Variants in MAGI2 observed in about 807,000 individuals in gnomAD.
MAGI2 encodes the protein membrane associated guanylate kinase, WW and PDZ domain containing 2, also known as membrane-associated guanylate kinase, WW and PDZ domain-containing protein 2.
Under a neutral mutation model 133.3 loss-of-function variants are expected in MAGI2, and 35 were observed. The observed-to-expected ratio is 0.26, with a 90% confidence interval of 0.20 to 0.35. The LOEUF (loss-of-function observed/expected upper bound fraction) is 0.35. Among genes scored for constraint, MAGI2 ranks in the 10% least tolerant of loss-of-function variants. The pLI, the probability that MAGI2 is intolerant of heterozygous loss-of-function variation, is 1.00. For missense variants in MAGI2, 1,636 were observed against 1,863.4 expected, an observed-to-expected ratio of 0.88 and a Z score of 2.25; for synonymous variants, 729 against 710.6, an observed-to-expected ratio of 1.03 and a Z score of -0.41.
rs1399511159 is a variant in MAGI2, at chr7:79,120,940, A to AT, written c.302-113735dup. On this transcript the variant is annotated intron_variant, in intron 1 of 21. Transcript: ENST00000354212. ...CTCCAGATGAATTGCTTCTGAATAT[A>AT]TAAGTTTAGGGTTGCCAGAAGAATG... 4.6e-5 allele frequency among the ~76,000 whole-genome samples: 7 copies of AT among 152,232 alleles called. No individual in the cohort carries two copies. In the East Asian group the frequency reaches 7.7e-4, roughly 17 times the overall value.
At chr7:79,010,152 A>C (rs7781812) in intron 1 of MAGI2, among the ~76,000 whole-genome samples, 102,464 of 151,602 alleles carry the variant, frequency 0.68, 34,774 homozygotes, top group Non-Finnish European at 0.7. Flanking sequence ...GTGTGTATAC[A>C]CAGTATGTGT....
chr7:78,670,017 A>T (rs1350406832), intron 2 of MAGI2, among the ~76,000 whole-genome samples: 4 of 151,690 alleles, frequency 2.6e-5, no homozygotes, highest in African/African-American at 9.8e-5. Context: ...GGCAAAAGAC[A>T]GGGATGCCCT....
intron 1 of MAGI2, among the ~76,000 whole-genome samples, chr7:79,305,973 C>T (rs1255186260): frequency 6.6e-6 from 1 of 150,588 alleles, no homozygotes; most frequent in Non-Finnish European, 1.5e-5. Flanking sequence ...AATTGAACTA[C>T]ATATTCCTGT....
chr7:78,590,607 C>T (rs1211184772), intron 3 of MAGI2, among the ~76,000 whole-genome samples: 3 of 152,186 alleles, frequency 2.0e-5, no homozygotes, highest in Non-Finnish European at 4.4e-5. Context: ...GTTGGTTTTC[C>T]TTATAACTAA....
At chr7:79,430,535 T>C (rs1362978596) in intron 1 of MAGI2, among the ~76,000 whole-genome samples, 2 of 152,210 alleles carry the variant, frequency 1.3e-5, no homozygotes, top group African/African-American at 2.4e-5. Context: ...ATGTGTTTCT[T>C]GACTCCTTCT....
chr7:78,815,234 T>A (rs1789462237), intron 2 of MAGI2, among the ~76,000 whole-genome samples: 1 of 152,320 alleles, frequency 6.6e-6, no homozygotes, highest in South Asian at 2.1e-4. Context: ...GTAGTTTTAA[T>A]GCAGCAAGGG....
intron 9 of MAGI2, among the ~76,000 whole-genome samples, chr7:78,274,621 T>A (rs1015846360): frequency 6.6e-6 from 1 of 152,020 alleles, no homozygotes. Context: ...GCCTTTTTTT[T>A]TTAGAGATGC....
chr7:78,568,809 G>A lies in MAGI2; in HGVS notation c.539-47164C>T, dbSNP rs138741558. 1.3e-3 allele frequency among the ~76,000 whole-genome samples: 200 copies of A among 152,172 alleles called. 2 individuals carry two copies. Among genetic ancestry groups the A allele is most frequent in the African/African-American group, 4.5e-3 (188 of 41,528 alleles). On this transcript the variant is annotated intron_variant, in intron 3 of 21. Transcript: ENST00000354212. ...ATAAAGCTGAAAAAAAAACATGTAA[G>A]TCAGATCAGTTACGTGCATGCTCAA...
At chr7:78,493,110 G>A (rs1026454025) in intron 5 of MAGI2, among the ~76,000 whole-genome samples, 2 of 152,124 alleles carry the variant, frequency 1.3e-5, no homozygotes, top group African/African-American at 2.4e-5. Context: ...TAAACACTGG[G>A]TCTGTCTAGA....
intron 20 of MAGI2, among the ~76,000 whole-genome samples, chr7:78,086,932 G>A (rs1188861811): frequency 1.3e-5 from 2 of 152,116 alleles, no homozygotes; most frequent in Admixed American, 6.6e-5. Context: ...TACTGCGTCT[G>A]GCCCTTCCTA....
chr7:78,923,753 G>A (rs932704747), intron 2 of MAGI2, among the ~76,000 whole-genome samples: 2 of 152,082 alleles, frequency 1.3e-5, no homozygotes, highest in African/African-American at 4.8e-5. Flanking sequence ...AGCTTGATGG[G>A]GATGGCATTG....
chr7:78,803,164 T>G (rs1788221647), intron 2 of MAGI2, among the ~76,000 whole-genome samples: 1 of 152,158 alleles, frequency 6.6e-6, no homozygotes, highest in Non-Finnish European at 1.5e-5. Flanking sequence ...TGTCCTAAAT[T>G]AAACACTAGT....
intron 9 of MAGI2, among the ~76,000 whole-genome samples, chr7:78,313,698 C>G (rs1010909496): frequency 1.3e-5 from 2 of 151,750 alleles, no homozygotes; most frequent in Non-Finnish European, 2.9e-5. Flanking sequence ...GCTCAATGGC[C>G]AGTAGCACAT....
chr7:79,209,714 A>C (rs1829347019), intron 1 of MAGI2, among the ~76,000 whole-genome samples: 1 of 152,068 alleles, frequency 6.6e-6, no homozygotes, highest in Admixed American at 6.6e-5. Context: ...TATATTGTGA[A>C]CACAACTCCA....
intron 1 of MAGI2, among the ~76,000 whole-genome samples, chr7:79,262,153 T>C (rs1003487011): frequency 9.9e-5 from 15 of 152,234 alleles, no homozygotes; most frequent in Admixed American, 1.3e-4. Context: ...AAACCTTTCT[T>C]TATCTCTAAA....
At chr7:79,349,408 TCTTA>T (rs1841545246) in intron 1 of MAGI2, among the ~76,000 whole-genome samples, 1 of 151,990 alleles carries the variant, frequency 6.6e-6, no homozygotes, top group African/African-American at 2.4e-5. Flanking sequence ...GGATCTCACC[TCTTA>T]CTTAGAAAAA....
chr7:79,387,317 T>A (rs1474986336), intron 1 of MAGI2, among the ~76,000 whole-genome samples: 2 of 152,024 alleles, frequency 1.3e-5, no homozygotes, highest in African/African-American at 4.8e-5. Flanking sequence ...TAGACCATAG[T>A]CACTTCCTCC....
intron 10 of MAGI2, among the ~76,000 whole-genome samples, chr7:78,246,523 C>T (rs1791806476): frequency 6.6e-6 from 1 of 152,108 alleles, no homozygotes; most frequent in Non-Finnish European, 1.5e-5. Flanking sequence ...TCCCTGGAGT[C>T]AAACCAGCCC....
intron 2 of MAGI2, among the ~76,000 whole-genome samples, chr7:78,797,890 A>C (rs1563517809): frequency 6.6e-6 from 1 of 151,934 alleles, no homozygotes; most frequent in Non-Finnish European, 1.5e-5. Flanking sequence ...AATAGGGTGC[A>C]TGGGTGCATG....
Sources: allele counts gnomAD v4.1 joint callset (sites outside exome capture counted in the v4.1 genomes callset), GRCh38; gene constraint gnomAD v4.1.1; transcripts MANE v1.5; gene names NCBI Gene and HGNC (gene_info 2026-07-23, HGNC 2026-07-21).